LANCL3: variants seen among roughly 807,000 people sequenced by gnomAD.
LANCL3 encodes lanC-like protein 3.
Under a neutral mutation model 26.5 loss-of-function variants are expected in LANCL3, and 19 were observed. The ratio of observed to expected loss-of-function variants is 0.72; its 90% CI spans 0.50 to 1.05. The LOEUF (loss-of-function observed/expected upper bound fraction) is 1.05. LANCL3 is among the 50% of genes least tolerant of loss of function. LANCL3 has a pLI of 0.00. For synonymous variants in LANCL3, 160 were observed against 166.6 expected (o/e 0.96, Z 0.30); for missense variants, 318 against 362.7 (o/e 0.88, Z 1.00).
At chrX:37,647,469 G>C (rs1455826466) in intron 1 of LANCL3, among the ~76,000 whole-genome samples, 1 of 112,281 alleles carries the variant, frequency 8.9e-6, no homozygotes, top group Admixed American at 9.4e-5. Context: ...GATGTTTATT[G>C]GGTAGTCAGA....
intron 1 of LANCL3, among the ~76,000 whole-genome samples, chrX:37,608,628 A>G (rs1319415193): frequency 8.9e-6 from 1 of 111,962 alleles, no homozygotes; most frequent in Admixed American, 9.5e-5. Flanking sequence ...ATTACTAGAT[A>G]AGGTTTTTAC....
intron 1 of LANCL3, among the ~76,000 whole-genome samples, chrX:37,637,596 G>A (rs1270963606): frequency 9.0e-6 from 1 of 111,683 alleles, no homozygotes; most frequent in East Asian, 2.8e-4. Flanking sequence ...ATGAAGTAAG[G>A]AAGTGCAAAT....
intron 1 of LANCL3, among the ~76,000 whole-genome samples, chrX:37,582,915 A>G (rs868924737): frequency 9.0e-6 from 1 of 111,541 alleles, no homozygotes; most frequent in African/African-American, 3.3e-5. Context: ...GAATGGTATT[A>G]CCTAGGTTTT....
At chrX:37,628,782 A>C (rs1925391698) in intron 1 of LANCL3, among the ~76,000 whole-genome samples, 2 of 109,730 alleles carry the variant, frequency 1.8e-5, no homozygotes, top group South Asian at 7.9e-4. Flanking sequence ...TGAACTCATC[A>C]TTTTTTATGG....
At chrX:37,628,591 T>G (rs1266146158) in intron 1 of LANCL3, among the ~76,000 whole-genome samples, 2 of 57,140 alleles carry the variant, frequency 3.5e-5, no homozygotes, top group Non-Finnish European at 6.3e-5. Context: ...ATGCTATCCC[T>G]CCCCCCTCCC....
At position 37,676,286 on chromosome X, in the gene LANCL3, G is replaced by A. The variant is rs1368501859; in HGVS notation, c.*473G>A. 1 of 112,359 alleles carries A rather than the reference G, an allele frequency of 8.9e-6. No homozygotes were observed. Among genetic ancestry groups the A allele is most frequent in the Non-Finnish European group, 1.9e-5 (1 of 53,358 alleles). 9.3% of individuals were successfully genotyped at this position (112,359 alleles called of 1,213,427 possible). On this transcript the variant is annotated 3_prime_UTR_variant, in exon 5 of 5. Coordinates refer to ENST00000378619, the MANE Select transcript of LANCL3 (RefSeq NM_001170331.2). Reference sequence around the variant, plus strand: ...ATGAGGAATGGATTGTCAGGTTGCTGAAGTATAAAAATAAACTCTTGGTTG... The same window carrying A: ...ATGAGGAATGGATTGTCAGGTTGCTAAAGTATAAAAATAAACTCTTGGTTG...
chrX:37,606,491 A>G (rs782495698), intron 1 of LANCL3, among the ~76,000 whole-genome samples: 2 of 112,054 alleles, frequency 1.8e-5, no homozygotes, highest in South Asian at 3.7e-4. Flanking sequence ...ATTTCTCTAC[A>G]CCATGCAGGA....
chrX:37,632,886 A>G (rs1474333965), intron 1 of LANCL3, among the ~76,000 whole-genome samples: 5 of 110,816 alleles, frequency 4.5e-5, no homozygotes, highest in African/African-American at 6.6e-5. Context: ...TGCCCTTAAC[A>G]TTTTTTCCTT....
chrX:37,621,551 T>G (rs1556422262), intron 1 of LANCL3, among the ~76,000 whole-genome samples: 1 of 112,910 alleles, frequency 8.9e-6, no homozygotes, highest in East Asian at 2.8e-4. Context: ...CAATAACATT[T>G]TATCACTTTA....
intron 1 of LANCL3, among the ~76,000 whole-genome samples, chrX:37,592,477 A>G (rs1246247899): frequency 8.9e-5 from 10 of 112,562 alleles, no homozygotes; most frequent in East Asian, 5.5e-4. Flanking sequence ...GGAAACAGAT[A>G]ATACTGCATA....
chrX:37,675,939 C>A lies in LANCL3; in HGVS notation c.*126C>A. 2.1e-6 allele frequency: 1 copy of A among 485,760 alleles called. No individual in the cohort carries two copies. The highest frequency in any genetic ancestry group is 3.1e-6 in the Non-Finnish European group (1 of 327,694). The allele number at this position is 485,760 out of a possible 1,213,427, so 40.0% of individuals were successfully genotyped here. On this transcript the variant is annotated 3_prime_UTR_variant, in exon 5 of 5. Transcript: ENST00000378619. ...AACATTGCCATCAGAAGGAAGGAAT[C>A]AGGCAGGTGAAGGCAACATGATGCC... is the stretch of plus-strand genomic sequence containing the variant.
chrX:37,580,095 G>T (rs1356036886), intron 1 of LANCL3, among the ~76,000 whole-genome samples: 2 of 111,947 alleles, frequency 1.8e-5, no homozygotes, highest in Non-Finnish European at 3.8e-5. Context: ...TTTAAGGCAG[G>T]TGTGTGTTTC....
intron 1 of LANCL3, among the ~76,000 whole-genome samples, chrX:37,638,483 C>G (rs1259622830): frequency 9.0e-6 from 1 of 111,520 alleles, no homozygotes; most frequent in African/African-American, 3.3e-5. Context: ...GACCCTACTT[C>G]AGGATACCTA....
chrX:37,600,726 A>C (rs1419932665), intron 1 of LANCL3, among the ~76,000 whole-genome samples: 1 of 112,061 alleles, frequency 8.9e-6, no homozygotes, highest in Non-Finnish European at 1.9e-5. Flanking sequence ...AGAACTTGTT[A>C]GGGGGCTGGG....
At chrX:37,592,119 T>G (rs781792473) in intron 1 of LANCL3, among the ~76,000 whole-genome samples, 1 of 111,878 alleles carries the variant, frequency 8.9e-6, no homozygotes, top group South Asian at 3.8e-4. Context: ...ACACATTTAG[T>G]TAACCTCTTC....
chrX:37,580,250 C>T (rs1176891057), intron 1 of LANCL3, among the ~76,000 whole-genome samples: 3 of 111,331 alleles, frequency 2.7e-5, no homozygotes, highest in Non-Finnish European at 5.7e-5. Flanking sequence ...TGGCTTAGAC[C>T]CTTTGTTATG....
At chrX:37,573,609 T>C (rs1465564936) in intron 1 of LANCL3, among the ~76,000 whole-genome samples, 7 of 111,916 alleles carry the variant, frequency 6.3e-5, no homozygotes, top group African/African-American at 2.3e-4. Flanking sequence ...TGCTTCTGAG[T>C]CACTGTTAAC....
At chrX:37,572,542 C>A in intron 1 of LANCL3, 99 bp downstream of exon 1, 1 of 709,931 alleles carries the variant, frequency 1.4e-6, no homozygotes, top group Non-Finnish European at 2.1e-6. Context: ...AGTTGCTCTC[C>A]AAGTCTTTGT....
intron 1 of LANCL3, among the ~76,000 whole-genome samples, chrX:37,647,687 G>T (rs111862737): frequency 5.7e-4 from 64 of 112,593 alleles, no homozygotes; most frequent in African/African-American, 2.0e-3. Context: ...AATGTTGGTG[G>T]TGCTTGAGCA....
Sources: allele counts gnomAD v4.1 joint callset (sites outside exome capture counted in the v4.1 genomes callset), GRCh38; gene constraint gnomAD v4.1.1; transcripts MANE v1.5; gene names NCBI Gene and HGNC (gene_info 2026-07-23, HGNC 2026-07-21).